The following NAA15 variants were observed in gnomAD, a reference collection of about 807,000 sequenced individuals.
NAA15 encodes N-alpha-acetyltransferase 15, NatA auxiliary subunit, also known as N-terminal acetyltransferase.
NAA15 carries 34 observed loss-of-function variants against 114.0 expected under a neutral mutation model. The observed-to-expected ratio is 0.30, with a 90% CI of 0.23 to 0.40. The LOEUF is 0.40. Ranked by LOEUF, NAA15 falls within the 10% of genes least tolerant of loss-of-function variation. NAA15 has a pLI of 1.00. For synonymous variants in NAA15, 340 were observed against 338.0 expected, an observed-to-expected ratio of 1.01 and a Z score of -0.06; for missense variants, 658 against 1,004.5, an observed-to-expected ratio of 0.66 and a Z score of 4.66.
At chr4:139,339,202 A>G (rs1422807869) in intron 3 of NAA15, among the ~76,000 whole-genome samples, 1 of 152,184 alleles carries the variant, frequency 6.6e-6, no homozygotes, top group Non-Finnish European at 1.5e-5. Flanking sequence ...TGTGTTTTAA[A>G]AAGATTATTT....
At chr4:139,306,514 C>T (rs1299946498) in intron 1 of NAA15, among the ~76,000 whole-genome samples, 1 of 151,834 alleles carries the variant, frequency 6.6e-6, no homozygotes, top group African/African-American at 2.4e-5. Flanking sequence ...GGATTACAGG[C>T]ATGAGCCACT....
Position 139,384,968 on chromosome 4 carries a change from C to G in NAA15, c.2292C>G (p.His764Gln). The G allele has an allele frequency of 3.2e-6, 5 of 1,548,328 alleles. No individual in the cohort carries two copies. The highest frequency in any genetic ancestry group is 4.3e-6 in the Non-Finnish European group (5 of 1,150,776). ...FLKRNSDSLP[H>Q]RLSAAKMVYY... ...AAAGGAATTCTGATTCATTGCCACA[C>G]AGATTATCAGGTAATCACTTTATTT... Residue 764 changes from histidine (H) to glutamine (Q), a missense_variant, in exon 18 of 20, where the codon CAC becomes CAG. His to Gln is a conservative substitution (Grantham distance 24, BLOSUM62 0). Transcript: ENST00000296543.
chr4:139,303,034 ACT>A (rs1745863867), intron 1 of NAA15, among the ~76,000 whole-genome samples: 1 of 152,184 alleles, frequency 6.6e-6, no homozygotes, highest in African/African-American at 2.4e-5. Context: ...AAGTAGAACA[ACT>A]CTGGGGATTC....
At chr4:139,365,027 A>G (rs1748238785) in intron 14 of NAA15, among the ~76,000 whole-genome samples, 1 of 152,004 alleles carries the variant, frequency 6.6e-6, no homozygotes, top group Non-Finnish European at 1.5e-5. Context: ...GCTTCATGAT[A>G]AATTTTAATA....
intron 2 of NAA15, 141 bp downstream of exon 2, chr4:139,334,399 AC>A (rs1747128782): frequency 4.2e-6 from 2 of 474,738 alleles, no homozygotes; most frequent in Non-Finnish European, 7.6e-6. Flanking sequence ...GAAATTTAAT[AC>A]TGAATTTTGA....
At chr4:139,364,014 G>C (rs570136260) in intron 14 of NAA15, among the ~76,000 whole-genome samples, 14 of 152,278 alleles carry the variant, frequency 9.2e-5, no homozygotes, top group African/African-American at 3.4e-4. Context: ...CTGAGTAGTT[G>C]GGACTACAGG....
chr4:139,373,759 A>G (rs992933877), intron 15 of NAA15, among the ~76,000 whole-genome samples: 4 of 151,408 alleles, frequency 2.6e-5, no homozygotes, highest in African/African-American at 9.7e-5. Context: ...GTGCAGTAGC[A>G]TGATCTCAGC....
intron 6 of NAA15, among the ~76,000 whole-genome samples, chr4:139,344,937 TAAC>T (rs1747533216): frequency 1.3e-5 from 2 of 152,124 alleles, no homozygotes; most frequent in South Asian, 4.1e-4. Flanking sequence ...AAATGAGTCT[TAAC>T]AGTTTTAGAA....
At position 139,351,658 on chromosome 4, in the gene NAA15, G is replaced by A. The variant is rs369626771; in HGVS notation, c.1014+47G>A. 8.2e-5 allele frequency: 82 copies of A among 1,001,264 alleles called. No homozygotes were observed. In the Middle Eastern group the frequency reaches 1.0e-3, roughly 13 times the overall value. 62.0% of individuals were successfully genotyped at this position (1,001,264 alleles called of 1,614,324 possible). ...TCTTTTGGCTACCATTTCTTTGCTCGGTATTTGGAATTATTGATTCTTGAT... is the reference window on the plus strand; with the variant it reads ...TCTTTTGGCTACCATTTCTTTGCTCAGTATTTGGAATTATTGATTCTTGAT... On this transcript the variant is annotated intron_variant, in intron 9 of 19. Coordinates refer to ENST00000296543, the MANE Select transcript of NAA15 (RefSeq NM_057175.5).
intron 14 of NAA15, 131 bp from the exon 15 acceptor site, chr4:139,370,080 T>A (rs1748392303): frequency 1.4e-6 from 1 of 714,610 alleles, no homozygotes; most frequent in Non-Finnish European, 2.1e-6. Context: ...GCTGGGATTA[T>A]AGGCATGAGA....
chr4:139,386,477 A>G (rs1160601243), intron 19 of NAA15: 1 of 288,820 alleles, frequency 3.5e-6, no homozygotes, highest in Non-Finnish European at 6.5e-6. Flanking sequence ...TTTGGATTTC[A>G]TTTCATATCT....
In NAA15 at chr4:139,388,126, T is replaced by G; in HGVS notation, c.*42T>G. 4 of 1,553,718 alleles carry G rather than the reference T, an allele frequency of 2.6e-6. No individual in the cohort carries two copies. Among genetic ancestry groups the G allele is most frequent in the South Asian group, 1.1e-5 (1 of 87,720 alleles). ...AAATGGAATGACTTTGGACCATATC[T>G]AGTATATAATATTTTTGTCACGCAC... On this transcript the variant is annotated 3_prime_UTR_variant, in exon 20 of 20. Coordinates refer to ENST00000296543, the MANE Select transcript of NAA15 (RefSeq NM_057175.5).
intron 15 of NAA15, among the ~76,000 whole-genome samples, chr4:139,370,758 A>C (rs1224955048): frequency 4.6e-5 from 7 of 152,210 alleles, no homozygotes; most frequent in Admixed American, 4.6e-4. Context: ...AAATGGAACT[A>C]AGAAAATCCT....
chr4:139,366,430 T>C (rs989138480), intron 14 of NAA15, among the ~76,000 whole-genome samples: 2 of 152,160 alleles, frequency 1.3e-5, no homozygotes, highest in African/African-American at 4.8e-5. Context: ...ACCTTTTTAA[T>C]GTTCTGTTCT....
intron 1 of NAA15, among the ~76,000 whole-genome samples, chr4:139,317,259 AT>A (rs1286612802): frequency 6.6e-6 from 1 of 151,812 alleles, no homozygotes; most frequent in East Asian, 1.9e-4. Context: ...GGGGTCAGCT[AT>A]GGATGATTTT....
chr4:139,305,307 G>A (rs1745973577), intron 1 of NAA15, among the ~76,000 whole-genome samples: 1 of 152,180 alleles, frequency 6.6e-6, no homozygotes, highest in African/African-American at 2.4e-5. Context: ...TGAAGGAAGA[G>A]TAAAGGAGCT....
At chr4:139,304,356 T>C (rs1745933857) in intron 1 of NAA15, among the ~76,000 whole-genome samples, 1 of 152,276 alleles carries the variant, frequency 6.6e-6, no homozygotes, top group Non-Finnish European at 1.5e-5. Context: ...TTCATTATTA[T>C]AACATTGATA....
intron 1 of NAA15, among the ~76,000 whole-genome samples, chr4:139,313,521 A>G (rs556321797): frequency 2.6e-5 from 4 of 151,576 alleles, no homozygotes; most frequent in African/African-American, 7.3e-5. Flanking sequence ...CTTAATGACT[A>G]CATTGTTACA....
At chr4:139,351,125 G>T (rs1216523686) in intron 7 of NAA15, 66 bp from the exon 8 acceptor site, 2 of 796,904 alleles carry the variant, frequency 2.5e-6, no homozygotes, top group Non-Finnish European at 3.8e-6. Context: ...TGAGAAGTTC[G>T]TAATTTTCCA....
Sources: allele counts gnomAD v4.1 joint callset (sites outside exome capture counted in the v4.1 genomes callset), GRCh38; gene constraint gnomAD v4.1.1; transcripts MANE v1.5; gene names NCBI Gene and HGNC (gene_info 2026-07-23, HGNC 2026-07-21).